PPP1R13B: variants seen among roughly 807,000 people sequenced by gnomAD.
PPP1R13B encodes apoptosis-stimulating of p53 protein 1.
PPP1R13B carries 44 observed loss-of-function variants against 119.8 expected under a neutral mutation model. The observed-to-expected ratio is 0.37, with a 90% CI of 0.29 to 0.47. The LOEUF (loss-of-function observed/expected upper bound fraction) is 0.47, where lower values mean the gene tolerates loss of function less well. Ranked by LOEUF, PPP1R13B falls within the 20% of genes least tolerant of loss-of-function variation. The pLI, the probability that PPP1R13B is intolerant of heterozygous loss-of-function variation, is 0.99. For synonymous variants in PPP1R13B, 542 were observed against 561.5 expected (o/e 0.97, Z 0.49); for missense variants, 1,227 against 1,413.5 (o/e 0.87, Z 2.12).
intron 2 of PPP1R13B, among the ~76,000 whole-genome samples, chr14:103,792,944 G>A (rs1009529962): frequency 2.6e-5 from 4 of 151,888 alleles, no homozygotes; most frequent in Non-Finnish European, 4.4e-5. Context: ...GGTGGCGCAT[G>A]CCTGTAGTCC....
chr14:103,743,570 G>A (rs1048099815), intron 9 of PPP1R13B, among the ~76,000 whole-genome samples: 1 of 152,206 alleles, frequency 6.6e-6, no homozygotes, highest in Non-Finnish European at 1.5e-5. Context: ...TCTTTTACAG[G>A]AACAGGTGCT....
rs1308254831 is a variant in PPP1R13B, at chr14:103,742,375, C to T, written c.1321-84G>A. 1 of 1,469,836 alleles carries T rather than the reference C, an allele frequency of 6.8e-7. No homozygotes were observed. Among genetic ancestry groups the T allele is most frequent in the Non-Finnish European group, 9.0e-7 (1 of 1,106,616 alleles). The allele number at this position is 1,469,836 out of a possible 1,614,324, so 91.0% of individuals were successfully genotyped here. The stretch of plus-strand genomic sequence containing the variant: ...CCACCCACATTCCCAAGAGAATACA[C>T]AGTAGAATTTGTAATCCGTCAAATT... On this transcript the variant is annotated intron_variant, in intron 10 of 16. Transcript: ENST00000202556. This position sits in a 1 kb window ranked among gnomAD's most constrained non-coding sequence, Gnocchi z 4.9.
At chr14:103,814,214 T>G (rs539684432) in intron 1 of PPP1R13B, among the ~76,000 whole-genome samples, 1 of 152,212 alleles carries the variant, frequency 6.6e-6, no homozygotes, top group South Asian at 2.1e-4. Context: ...CCGGGCATGG[T>G]GGCACATGCC....
At chr14:103,768,207 C>T (rs1309038660) in intron 4 of PPP1R13B, among the ~76,000 whole-genome samples, 7 of 151,902 alleles carry the variant, frequency 4.6e-5, no homozygotes, top group Non-Finnish European at 7.4e-5. Flanking sequence ...CTCCGCCCCC[C>T]GGGGTTCAAG....
intron 4 of PPP1R13B, among the ~76,000 whole-genome samples, chr14:103,762,540 T>G (rs558028137): frequency 1.3e-5 from 2 of 150,710 alleles, no homozygotes; most frequent in African/African-American, 4.9e-5. Context: ...ATGGCACATG[T>G]ATACATACGT....
intron 1 of PPP1R13B, chr14:103,803,961 G>T: frequency 1.3e-6 from 1 of 768,534 alleles, no homozygotes. Flanking sequence ...AACAGACTGT[G>T]GCTATTTATA....
chr14:103,815,826 G>A (rs916299004), intron 1 of PPP1R13B, among the ~76,000 whole-genome samples: 1 of 152,188 alleles, frequency 6.6e-6, no homozygotes, highest in Admixed American at 6.5e-5. Context: ...GCTCATGCCT[G>A]TAATCCCAGC....
chr14:103,762,612 G>A lies in PPP1R13B; in HGVS notation c.355-4861C>T, dbSNP rs971689003. On this transcript the variant is annotated intron_variant, in intron 4 of 16. Coordinates refer to ENST00000202556, the MANE Select transcript of PPP1R13B (RefSeq NM_015316.3). ...TTAAAGTATTAAAAAAAAAAAAAAA[G>A]AATGTCACCATAATAATATTTGGAA... Among the ~76,000 whole-genome samples, 6 of 138,862 alleles carry A rather than the reference G, an allele frequency of 4.3e-5. No homozygotes were observed. In the South Asian group the frequency reaches 1.1e-3, roughly 26 times the overall value. The allele number at this position is 138,862 out of a possible 152,430, so 91.1% of individuals were successfully genotyped here.
chr14:103,766,904 A>C (rs577406381), intron 4 of PPP1R13B, among the ~76,000 whole-genome samples: 1 of 152,388 alleles, frequency 6.6e-6, no homozygotes, highest in East Asian at 1.9e-4. Context: ...ACTAATGGGA[A>C]AGGATTAATT....
At chr14:103,837,596 C>T (rs1160627875) in intron 1 of PPP1R13B, among the ~76,000 whole-genome samples, 2 of 152,076 alleles carry the variant, frequency 1.3e-5, no homozygotes, top group Non-Finnish European at 2.9e-5. Context: ...CACATTCACA[C>T]GCACACATAC....
chr14:103,800,624 C>T (rs1216457131), intron 1 of PPP1R13B, among the ~76,000 whole-genome samples: 1 of 151,060 alleles, frequency 6.6e-6, no homozygotes, highest in Non-Finnish European at 1.5e-5. Flanking sequence ...CATTTCACTC[C>T]AGCCTGGGCA....
rs552412301 is a variant in PPP1R13B, at chr14:103,735,945, C to T, written c.3231+58G>A. On this transcript the variant is annotated intron_variant, in intron 16 of 16. Transcript: ENST00000202556. ...CCCCAGCCCCACAGCAGGATAGGACCGCATGCTGTACAGAGACACGGGCAG... is the reference window on the plus strand; with the variant it reads ...CCCCAGCCCCACAGCAGGATAGGACTGCATGCTGTACAGAGACACGGGCAG... 43 of 1,569,756 alleles carry T rather than the reference C, an allele frequency of 2.7e-5. 1 individual carries two copies. The Middle Eastern group carries it at 5.8e-4, about 21-fold the overall frequency.
intron 1 of PPP1R13B, among the ~76,000 whole-genome samples, chr14:103,846,533 A>G (rs963551758): frequency 1.3e-5 from 2 of 152,120 alleles, no homozygotes. Flanking sequence ...CCAGTCCCAC[A>G]TTTTTTCATA....
At chr14:103,785,774 C>A (rs2085449174) in intron 2 of PPP1R13B, among the ~76,000 whole-genome samples, 1 of 152,132 alleles carries the variant, frequency 6.6e-6, no homozygotes, top group Non-Finnish European at 1.5e-5. Flanking sequence ...CCCGCCTTGG[C>A]CTCCCAAAGT....
intron 6 of PPP1R13B, among the ~76,000 whole-genome samples, chr14:103,753,670 C>T (rs560755180): frequency 2.6e-5 from 4 of 152,304 alleles, no homozygotes; most frequent in East Asian, 3.9e-4. Flanking sequence ...AGTCTTGGAG[C>T]GCCCCACCCT....
chr14:103,845,772 T>C (rs1410284070), intron 1 of PPP1R13B, among the ~76,000 whole-genome samples: 2 of 152,188 alleles, frequency 1.3e-5, no homozygotes, highest in Non-Finnish European at 1.5e-5. Context: ...TAAAACTACT[T>C]TCAAAATTCT....
chr14:103,839,613 G>A (rs1486189566), intron 1 of PPP1R13B, among the ~76,000 whole-genome samples: 1 of 140,504 alleles, frequency 7.1e-6, no homozygotes, highest in Non-Finnish European at 1.5e-5. Context: ...GGCAACAAGA[G>A]CAAAACTCTG....
chr14:103,736,543 G>A (rs1481972029), intron 15 of PPP1R13B: 2 of 341,206 alleles, frequency 5.9e-6, no homozygotes, highest in African/African-American at 4.1e-5. Context: ...TAGAGCAGCT[G>A]TGACTGCTCT....
intron 8 of PPP1R13B, chr14:103,747,283 G>A (rs1045051381): frequency 6.6e-6 from 1 of 152,212 alleles, no homozygotes; most frequent in South Asian, 2.1e-4. Context: ...TCATTTCGGG[G>A]TGAGGGGTTA....
Sources: gnomAD v4.1 joint callset for allele counts (sites outside exome capture counted in the v4.1 genomes callset) on GRCh38, gnomAD v4.1.1 for gene constraint, Gnocchi (gnomAD v3.1) non-coding constraint, MANE v1.5 for transcripts, NCBI Gene and HGNC (gene_info 2026-07-23, HGNC 2026-07-21) for gene names.